KCNH7: variants seen among roughly 807,000 people sequenced by gnomAD.
KCNH7 encodes voltage-gated inwardly rectifying potassium channel KCNH7.
Under a neutral mutation model 120.8 loss-of-function variants are expected in KCNH7, and 49 were observed. That is an observed-to-expected ratio of 0.41 (90% CI 0.32 to 0.51). The LOEUF (loss-of-function observed/expected upper bound fraction) is 0.51, where lower values mean the gene tolerates loss of function less well. KCNH7 is among the 20% of genes least tolerant of loss of function. The pLI is 0.38. For synonymous variants in KCNH7, 547 were observed against 516.1 expected (o/e 1.06, Z -0.81); for missense variants, 1,097 against 1,446.6 (o/e 0.76, Z 3.92).
chr2:162,518,449 A>G (rs1483460476), intron 3 of KCNH7, among the ~76,000 whole-genome samples: 1 of 151,858 alleles, frequency 6.6e-6, no homozygotes, highest in Non-Finnish European at 1.5e-5. Flanking sequence ...AAATAAAAAC[A>G]TTCATCCACT....
At chr2:162,819,787 T>C (rs1179974965) in intron 2 of KCNH7, among the ~76,000 whole-genome samples, 7 of 152,232 alleles carry the variant, frequency 4.6e-5, no homozygotes, top group Admixed American at 4.6e-4. Context: ...AAGAGTATAA[T>C]GTGCTATTCT....
chr2:162,611,048 T>C (rs564620956), intron 2 of KCNH7, among the ~76,000 whole-genome samples: 57 of 152,134 alleles, frequency 3.7e-4, no homozygotes, highest in Non-Finnish European at 6.3e-4. Flanking sequence ...AGAGTAAATT[T>C]ATAGGCACAG....
chr2:162,438,171 A>T (rs569810222), intron 7 of KCNH7, among the ~76,000 whole-genome samples: 1 of 152,314 alleles, frequency 6.6e-6, no homozygotes, highest in Non-Finnish European at 1.5e-5. Context: ...AAGCTTTAAA[A>T]TAAATGAGCT....
intron 2 of KCNH7, among the ~76,000 whole-genome samples, chr2:162,729,348 C>T (rs557586249): frequency 6.6e-6 from 1 of 151,946 alleles, no homozygotes; most frequent in Admixed American, 6.6e-5. Flanking sequence ...TCTGAATATA[C>T]CCTATTTTGA....
intron 2 of KCNH7, among the ~76,000 whole-genome samples, chr2:162,543,635 G>T (rs1270756171): frequency 6.6e-6 from 1 of 152,040 alleles, no homozygotes; most frequent in East Asian, 1.9e-4. Context: ...TAAATTTCTT[G>T]GATGTGCAGC....
At chr2:162,519,125 G>A (rs766479270) in intron 3 of KCNH7, among the ~76,000 whole-genome samples, 137 of 151,664 alleles carry the variant, frequency 9.0e-4, no homozygotes, top group Non-Finnish European at 1.7e-3. Flanking sequence ...ACATTTTGGC[G>A]GTGGGATTGC....
intron 6 of KCNH7, among the ~76,000 whole-genome samples, chr2:162,454,388 ACCTC>A (rs1346611305): frequency 2.6e-5 from 4 of 151,820 alleles, no homozygotes; most frequent in African/African-American, 9.7e-5. Context: ...GTAGCGTGAT[ACCTC>A]CAGCTTTGTT....
At position 162,756,519 on chromosome 2, in the gene KCNH7, T is replaced by C. The variant is rs566173327; in HGVS notation, c.307+80018A>G. Among the ~76,000 whole-genome samples, 20 of 152,324 alleles carry C rather than the reference T, an allele frequency of 1.3e-4. 2 individuals carry two copies. In the South Asian group the frequency reaches 4.1e-3, roughly 32 times the overall value. On this transcript the variant is annotated intron_variant, in intron 2 of 15. Transcript: ENST00000332142. ...TCTCATTCTGTCACCCAGGTTGCAG[T>C]GCAGTGGCACATTCAGCTCACTGCA...
At chr2:162,670,796 A>T (rs1685324597) in intron 2 of KCNH7, among the ~76,000 whole-genome samples, 1 of 152,124 alleles carries the variant, frequency 6.6e-6, no homozygotes, top group Non-Finnish European at 1.5e-5. Context: ...AGGTGGAAAA[A>T]ATCAAAAGCA....
intron 2 of KCNH7, among the ~76,000 whole-genome samples, chr2:162,766,578 T>A (rs1682817763): frequency 1.3e-5 from 2 of 152,134 alleles, no homozygotes; most frequent in African/African-American, 4.8e-5. Flanking sequence ...TTTGTTTGAT[T>A]CCTATTTATT....
chr2:162,386,646 A>G (rs1185620705), intron 12 of KCNH7, among the ~76,000 whole-genome samples: 1 of 151,832 alleles, frequency 6.6e-6, no homozygotes, highest in African/African-American at 2.4e-5. Flanking sequence ...TTCCAGCAGC[A>G]TCAAATGCAA....
At chr2:162,416,281 G>A (rs1345930080) in intron 9 of KCNH7, among the ~76,000 whole-genome samples, 1 of 151,574 alleles carries the variant, frequency 6.6e-6, no homozygotes, top group African/African-American at 2.4e-5. Context: ...GCTGAGACAG[G>A]AGAATCGCTT....
intron 6 of KCNH7, among the ~76,000 whole-genome samples, chr2:162,492,858 G>A (rs1431201282): frequency 2.2e-5 from 2 of 91,872 alleles, no homozygotes; most frequent in African/African-American, 7.7e-5. Context: ...TTCTCTTCTT[G>A]GATCTTGTTT....
At chr2:162,736,897 G>C (rs1687934927) in intron 2 of KCNH7, among the ~76,000 whole-genome samples, 2 of 151,818 alleles carry the variant, frequency 1.3e-5, no homozygotes, top group African/African-American at 4.8e-5. Context: ...TTTTTCCTGA[G>C]GATTCAGCAA....
chr2:162,468,041 A>G (rs1689365124), intron 6 of KCNH7, among the ~76,000 whole-genome samples: 1 of 152,192 alleles, frequency 6.6e-6, no homozygotes, highest in African/African-American at 2.4e-5. Flanking sequence ...AATGTAGAAG[A>G]GATACAAACA....
intron 11 of KCNH7, among the ~76,000 whole-genome samples, chr2:162,396,000 T>C (rs1558924367): frequency 6.6e-6 from 1 of 151,738 alleles, no homozygotes; most frequent in Non-Finnish European, 1.5e-5. Context: ...TGTGAAATTT[T>C]GGGGGAAAAG....
chr2:162,541,179 G>C (rs1259846743), intron 2 of KCNH7, among the ~76,000 whole-genome samples: 2 of 152,052 alleles, frequency 1.3e-5, no homozygotes, highest in Non-Finnish European at 2.9e-5. Flanking sequence ...GTTGGATCCA[G>C]GAGACTGAAG....
chr2:162,615,982 G>C (rs1317220610), intron 2 of KCNH7, among the ~76,000 whole-genome samples: 1 of 152,128 alleles, frequency 6.6e-6, no homozygotes, highest in African/African-American at 2.4e-5. Flanking sequence ...TTAGAGATAG[G>C]AAAATTGCTG....
intron 2 of KCNH7, among the ~76,000 whole-genome samples, chr2:162,781,571 G>A (rs1157855444): frequency 6.6e-6 from 1 of 152,086 alleles, no homozygotes; most frequent in Non-Finnish European, 1.5e-5. Context: ...AATGAAAGTA[G>A]TAACAGGGGA....
Sources: allele counts gnomAD v4.1 joint callset (sites outside exome capture counted in the v4.1 genomes callset), GRCh38; gene constraint gnomAD v4.1.1; transcripts MANE v1.5; gene names NCBI Gene and HGNC (gene_info 2026-07-23, HGNC 2026-07-21).